PCDH10: variants seen among roughly 807,000 people sequenced by gnomAD.
The protein encoded by PCDH10 is protocadherin-10.
In PCDH10, 15 loss-of-function variants were observed where a neutral mutation model predicts 74.4. That is an observed-to-expected ratio of 0.20 (90% CI 0.13 to 0.31). The LOEUF (loss-of-function observed/expected upper bound fraction) is 0.31. Among genes scored for constraint, PCDH10 ranks in the 10% least tolerant of loss-of-function variants. The pLI is 1.00. For synonymous variants in PCDH10, 619 were observed against 589.8 expected (o/e 1.05, Z -0.72); for missense variants, 1,260 against 1,390.2 (o/e 0.91, Z 1.49).
At chr4:133,187,347 G>A (rs960055702) in intron 4 of PCDH10, among the ~76,000 whole-genome samples, 1 of 152,062 alleles carries the variant, frequency 6.6e-6, no homozygotes, top group African/African-American at 2.4e-5. Flanking sequence ...ATATTTAGGA[G>A]GACATGCATA....
chr4:133,154,778 A>G (rs751683076), intron 2 of PCDH10, 139 bp from the exon 3 acceptor site: 6 of 629,982 alleles, frequency 9.5e-6, no homozygotes, highest in Non-Finnish European at 1.1e-5. Flanking sequence ...AGGCTATAAA[A>G]ACTAGCTTTA....
chr4:133,188,112 C>T lies in PCDH10; in HGVS notation c.3104-2029C>T, dbSNP rs150804248. Among the ~76,000 whole-genome samples, 621 of 152,144 alleles carry T rather than the reference C, an allele frequency of 4.1e-3. 1 individual carries two copies. Among genetic ancestry groups the T allele is most frequent in the Middle Eastern group, 6.8e-3 (2 of 294 alleles). On this transcript the variant is annotated intron_variant, in intron 4 of 4. Transcript: ENST00000264360. Reference sequence around the variant, plus strand: ...ATTTTTACTATTAACAGGAAAGGCCCCAACCCAGCTTATTTTGAAAGGAGT... The same window carrying T: ...ATTTTTACTATTAACAGGAAAGGCCTCAACCCAGCTTATTTTGAAAGGAGT...
At chr4:133,160,408 T>C (rs992676224) in intron 3 of PCDH10, among the ~76,000 whole-genome samples, 4 of 108,742 alleles carry the variant, frequency 3.7e-5, no homozygotes, top group African/African-American at 1.1e-4. Flanking sequence ...TATCCTCACT[T>C]TTTTTTTTTT....
chr4:133,184,277 GA>G, intron 4 of PCDH10, among the ~76,000 whole-genome samples: 1 of 152,054 alleles, frequency 6.6e-6, no homozygotes, highest in East Asian at 1.9e-4. Flanking sequence ...CTGATGAAAG[GA>G]AAAAAGCAAA....
intron 4 of PCDH10, among the ~76,000 whole-genome samples, chr4:133,171,530 A>G (rs1302594131): frequency 6.6e-6 from 1 of 152,152 alleles, no homozygotes; most frequent in Non-Finnish European, 1.5e-5. Flanking sequence ...TTAAAGTGCA[A>G]CATGTAGTAG....
In PCDH10 at chr4:133,190,413, G is replaced by C; in HGVS notation, c.*253G>C. 3.9e-6 allele frequency: 2 copies of C among 515,838 alleles called. No homozygotes were observed. 32.0% of individuals were successfully genotyped at this position (515,838 alleles called of 1,614,324 possible). A position where few individuals can be genotyped will look rare whatever the true frequency, so the allele number is the denominator to read the frequency against. ...TTGCCTCCCCGATCAGTGTGTGCCT[G>C]TTTACAGCACTATCTATCTTTCTCT... On this transcript the variant is annotated 3_prime_UTR_variant, in exon 5 of 5. Coordinates refer to ENST00000264360, the MANE Select transcript of PCDH10 (RefSeq NM_032961.3).
chr4:133,161,565 G>A (rs1408945621), intron 3 of PCDH10, among the ~76,000 whole-genome samples: 1 of 151,924 alleles, frequency 6.6e-6, no homozygotes, highest in Non-Finnish European at 1.5e-5. Context: ...CAAATCACTT[G>A]TGATATTAAT....
chr4:133,164,344 C>T (rs575766986), intron 4 of PCDH10, among the ~76,000 whole-genome samples: 9 of 151,934 alleles, frequency 5.9e-5, no homozygotes, highest in Admixed American at 5.2e-4. Context: ...GAACATGATG[C>T]GATCTTTGCC....
chr4:133,167,688 T>G (rs994792518), intron 4 of PCDH10, among the ~76,000 whole-genome samples: 1 of 151,472 alleles, frequency 6.6e-6, no homozygotes, highest in Non-Finnish European at 1.5e-5. Context: ...TTTCTGAGGG[T>G]GGGTTTTTTG....
intron 4 of PCDH10, 120 bp downstream of exon 4, chr4:133,163,402 C>G: frequency 1.2e-6 from 1 of 836,494 alleles, no homozygotes; most frequent in Non-Finnish European, 1.8e-6. Context: ...ATAAAAGTGA[C>G]TGGATGCTGG....
chr4:133,181,481 TAACA>T (rs1208280973), intron 4 of PCDH10, among the ~76,000 whole-genome samples: 1 of 152,056 alleles, frequency 6.6e-6, no homozygotes, highest in East Asian at 1.9e-4. Context: ...TTGCCAGACT[TAACA>T]AACAAAAAAT....
At position 133,163,222 on chromosome 4, in the gene PCDH10, A is replaced by T; in HGVS notation, c.3043A>T (p.Arg1015Trp). The T allele has an allele frequency of 6.2e-7, 1 of 1,614,064 alleles. No homozygotes were observed. Among genetic ancestry groups the T allele is most frequent in the Non-Finnish European group, 8.5e-7 (1 of 1,179,996 alleles). ...GAAGGCCCTTCACAGCACTCTGGAG[A>T]GGAAGGAGCTGGATGGACTGCTGAC... The part of the protein sequence containing the change: ...KEKALHSTLE[R>W]KELDGLLTNT... Residue 1015 changes from arginine to tryptophan, a missense_variant, in exon 4 of 5, where the codon AGG becomes TGG. By Grantham distance (101) the Arg-to-Trp change is moderately radical. Around this residue, in one of 11 missense-constraint regions of PCDH10, gnomAD observed 136 missense variants for 149.3 expected, o/e 0.91. Coordinates refer to ENST00000264360, the MANE Select transcript of PCDH10 (RefSeq NM_032961.3).
chr4:133,204,681 T>G (rs1471603597), intron 2 of PCDH10, among the ~76,000 whole-genome samples: 1 of 152,200 alleles, frequency 6.6e-6, no homozygotes, highest in Non-Finnish European at 1.5e-5. Context: ...AAGCAGTGAA[T>G]TAAAGTTGAC....
intron 4 of PCDH10, among the ~76,000 whole-genome samples, chr4:133,179,942 C>T (rs1727378124): frequency 6.6e-6 from 1 of 151,906 alleles, no homozygotes; most frequent in African/African-American, 2.4e-5. Context: ...AATAAAATTA[C>T]AGTAGTCTCT....
In PCDH10 at chr4:133,150,225, G is replaced by C. The variant is rs1009885132; in HGVS notation, c.85G>C (p.Glu29Gln). 1.2e-6 allele frequency: 2 copies of C among 1,613,788 alleles called. No individual in the cohort carries two copies. The highest frequency in any genetic ancestry group is 1.1e-5 in the South Asian group (1 of 91,010). The change falls in exon 1 of 5, where the codon GAA becomes CAA. Residue 29 changes from glutamate (E) to glutamine (Q), a missense_variant. Glu to Gln is a conservative substitution (Grantham distance 29). Around this residue, in one of 11 missense-constraint regions of PCDH10, gnomAD observed 103 missense variants for 91.5 expected, o/e 1.13. Coordinates refer to ENST00000264360, the MANE Select transcript of PCDH10 (RefSeq NM_032961.3). ...TCACTACACGGTACAGGAGGAGCAG[G>C]AACATGGCACTTTCGTGGGGAATAT... ...QLHYTVQEEQ[E>Q]HGTFVGNIAE... is the part of the protein sequence containing the mutation.
At chr4:133,175,170 C>CT (rs1560711639) in intron 4 of PCDH10, among the ~76,000 whole-genome samples, 1 of 151,766 alleles carries the variant, frequency 6.6e-6, no homozygotes, top group African/African-American at 2.4e-5. Context: ...AGTCTGTGTT[C>CT]TTTTTTCTAA....
intron 2 of PCDH10, among the ~76,000 whole-genome samples, chr4:133,204,328 C>A (rs969090236): frequency 1.3e-5 from 2 of 152,152 alleles, no homozygotes; most frequent in Non-Finnish European, 2.9e-5. Context: ...CAGTTAACAT[C>A]CACATGGCTG....
intron 4 of PCDH10, among the ~76,000 whole-genome samples, chr4:133,174,126 A>G (rs1456148640): frequency 1.3e-5 from 2 of 151,982 alleles, no homozygotes; most frequent in Non-Finnish European, 2.9e-5. Flanking sequence ...AAGGCAATCC[A>G]TGGTGGCAGT....
intron 4 of PCDH10, among the ~76,000 whole-genome samples, chr4:133,164,890 G>T (rs1464312346): frequency 1.3e-5 from 2 of 149,580 alleles, no homozygotes; most frequent in Non-Finnish European, 3.0e-5. Flanking sequence ...AAAATCAAAA[G>T]AATGCATCTA....
Sources: gnomAD v4.1 joint callset for allele counts (sites outside exome capture counted in the v4.1 genomes callset) on GRCh38, gnomAD v4.1.1 for gene constraint, gnomAD v4.1.1 regional missense constraint, MANE v1.5 for transcripts, NCBI Gene and HGNC (gene_info 2026-07-23, HGNC 2026-07-21) for gene names.